The following XPR1 variants were observed in gnomAD, a reference collection of about 807,000 sequenced individuals.
XPR1 encodes xenotropic and polytropic retrovirus receptor 1, also known as solute carrier family 53 member 1.
XPR1 carries 28 observed loss-of-function variants against 87.5 expected under a neutral mutation model. The observed-to-expected ratio is 0.32, with a 90% CI of 0.24 to 0.44. The LOEUF is 0.44. Among genes scored for constraint, XPR1 ranks in the 20% least tolerant of loss-of-function variants. XPR1 has a pLI of 1.00. For missense variants in XPR1, 559 were observed against 862.3 expected, an observed-to-expected ratio of 0.65 and a Z score of 4.41; for synonymous variants, 300 against 306.1, an observed-to-expected ratio of 0.98 and a Z score of 0.21.
intron 1 of XPR1, among the ~76,000 whole-genome samples, chr1:180,668,285 C>G (rs932833644): frequency 6.6e-6 from 1 of 152,000 alleles, no homozygotes; most frequent in African/African-American, 2.4e-5. Flanking sequence ...TATGCCACCA[C>G]GTCTGGCTAA....
intron 2 of XPR1, among the ~76,000 whole-genome samples, chr1:180,757,104 C>CT (rs2102045098): frequency 6.6e-6 from 1 of 152,280 alleles, no homozygotes; most frequent in South Asian, 2.1e-4. Context: ...CAACTTTACT[C>CT]TTCTTTTTCA....
chr1:180,798,339 A>G (rs1649662626), intron 3 of XPR1, among the ~76,000 whole-genome samples: 1 of 152,170 alleles, frequency 6.6e-6, no homozygotes, highest in Admixed American at 6.5e-5. Context: ...AGATTTAGGT[A>G]GACTTAAAGG....
chr1:180,689,003 G>T (rs7556291), intron 2 of XPR1, among the ~76,000 whole-genome samples: 4,386 of 151,942 alleles, frequency 0.029, 141 homozygotes, highest in African/African-American at 0.077. Flanking sequence ...TCATTTTGTC[G>T]TATTCTTTTT....
intron 11 of XPR1, among the ~76,000 whole-genome samples, chr1:180,854,439 G>A (rs184221814): frequency 1.5e-4 from 23 of 152,326 alleles, no homozygotes; most frequent in Admixed American, 9.8e-4. Context: ...TGTTCACTTC[G>A]GAGTAGGCAG....
chr1:180,713,952 A>G (rs1657894425), intron 2 of XPR1, among the ~76,000 whole-genome samples: 1 of 152,082 alleles, frequency 6.6e-6, no homozygotes, highest in Non-Finnish European at 1.5e-5. Flanking sequence ...ATCTGGTATT[A>G]TTCTTTTTAA....
At chr1:180,723,936 C>T (rs1161925051) in intron 2 of XPR1, among the ~76,000 whole-genome samples, 2 of 151,998 alleles carry the variant, frequency 1.3e-5, no homozygotes, top group Admixed American at 1.3e-4. Flanking sequence ...CTTTTCTGTT[C>T]TTACAGTTCA....
intron 1 of XPR1, among the ~76,000 whole-genome samples, chr1:180,641,033 A>G (rs1371470203): frequency 2.0e-5 from 3 of 152,224 alleles, no homozygotes; most frequent in Non-Finnish European, 4.4e-5. Context: ...ATTAGTTTAT[A>G]TAATATGCTA....
chr1:180,636,478 T>C (rs1654762553), intron 1 of XPR1, among the ~76,000 whole-genome samples: 1 of 152,240 alleles, frequency 6.6e-6, no homozygotes, highest in African/African-American at 2.4e-5. Flanking sequence ...TTTAAGTGTG[T>C]CAGCGTGAGT....
chr1:180,827,876 T>C, intron 9 of XPR1, among the ~76,000 whole-genome samples: 1 of 58,904 alleles, frequency 1.7e-5, no homozygotes, highest in East Asian at 5.6e-4. Context: ...TCTTTTTTTC[T>C]TTAATTTTTT....
At chr1:180,867,074 GTTC>G (rs1424975202) in intron 12 of XPR1, among the ~76,000 whole-genome samples, 1 of 81,980 alleles carries the variant, frequency 1.2e-5, no homozygotes, top group Non-Finnish European at 2.4e-5. Context: ...TTGGTTTTTT[GTTC>G]TTGCGATAGT....
intron 1 of XPR1, among the ~76,000 whole-genome samples, chr1:180,668,467 C>G (rs1656043765): frequency 6.6e-6 from 1 of 152,086 alleles, no homozygotes; most frequent in Non-Finnish European, 1.5e-5. Flanking sequence ...TTAGTTTGTT[C>G]TTCTTTTTCT....
rs1276112354 is a variant in XPR1 at position 180,656,387 on chromosome 1, G to GTATTTATATATAAATATTTATA, written c.69+24175_69+24196dup. On this transcript the variant is annotated intron_variant, in intron 1 of 14. Coordinates refer to ENST00000367590, the MANE Select transcript of XPR1 (RefSeq NM_004736.4). Reference sequence around the variant, plus strand: ...TATAATATTTATATATAATATTCATGTATTTATATATAAATATTTATATAT... The same window carrying GTATTTATATATAAATATTTATA: ...TATAATATTTATATATAATATTCATGTATTTATATATAAATATTTATATATTTATATATAAATATTTATATAT... Among the ~76,000 whole-genome samples, 13 of 54,168 alleles carry GTATTTATATATAAATATTTATA rather than the reference G, an allele frequency of 2.4e-4. 1 individual carries two copies. Among genetic ancestry groups the GTATTTATATATAAATATTTATA allele is most frequent in the Non-Finnish European group, 3.4e-4 (10 of 29,248 alleles). 35.5% of individuals were successfully genotyped at this position (54,168 alleles called of 152,430 possible). A position where few individuals can be genotyped will look rare whatever the true frequency, so the allele number is the denominator to read the frequency against.
chr1:180,661,826 G>C (rs1321068788), intron 1 of XPR1, among the ~76,000 whole-genome samples: 1 of 152,124 alleles, frequency 6.6e-6, no homozygotes, highest in Non-Finnish European at 1.5e-5. Flanking sequence ...AGTTAGCCAA[G>C]ATCATGCCAC....
At chr1:180,836,766 T>C in intron 11 of XPR1, 50 bp downstream of exon 11, 1 of 1,584,496 alleles carries the variant, frequency 6.3e-7, no homozygotes, top group Non-Finnish European at 8.6e-7. Context: ...GGATTTTTAC[T>C]ACCTGACTCT....
chr1:180,816,298 A>G (rs1363428991), intron 7 of XPR1, among the ~76,000 whole-genome samples: 1 of 152,202 alleles, frequency 6.6e-6, no homozygotes, highest in African/African-American at 2.4e-5. Context: ...GCAGCTCACA[A>G]TAGGGTTCGT....
rs539262716 is a variant in XPR1, at chr1:180,729,293, C to T, written c.121+46882C>T. Among the ~76,000 whole-genome samples, 262 of 152,184 alleles carry T rather than the reference C, an allele frequency of 1.7e-3. 1 individual carries two copies. Among genetic ancestry groups the T allele is most frequent in the African/African-American group, 6.1e-3 (255 of 41,518 alleles). ...GTCTTCGCTGTTGTGAATAGTACTG[C>T]GATTAACATATGTGTGCATTTGTCT... On this transcript the variant is annotated intron_variant, in intron 2 of 14. Coordinates refer to ENST00000367590, the MANE Select transcript of XPR1 (RefSeq NM_004736.4).
chr1:180,787,355 G>A (rs1316581788), intron 2 of XPR1, among the ~76,000 whole-genome samples: 2 of 151,226 alleles, frequency 1.3e-5, no homozygotes, highest in Non-Finnish European at 1.5e-5. Context: ...AGGCTGGAGT[G>A]CAGTGGTGCA....
intron 2 of XPR1, among the ~76,000 whole-genome samples, chr1:180,785,011 T>TGTGTGTGTGTGTGTG (rs1649083957): frequency 2.2e-5 from 3 of 136,392 alleles, no homozygotes; most frequent in South Asian, 2.5e-4. Context: ...GTGTGTGTGT[T>TGTGTGTGTGTGTGTG]TGTGTGTGTG....
intron 2 of XPR1, among the ~76,000 whole-genome samples, chr1:180,708,474 A>T (rs1489388131): frequency 6.6e-6 from 1 of 152,192 alleles, no homozygotes; most frequent in Non-Finnish European, 1.5e-5. Context: ...AATTAATGTT[A>T]TATATATTTT....
Sources: allele counts gnomAD v4.1 joint callset (sites outside exome capture counted in the v4.1 genomes callset), GRCh38; gene constraint gnomAD v4.1.1; transcripts MANE v1.5; gene names NCBI Gene and HGNC (gene_info 2026-07-23, HGNC 2026-07-21).